ADCY3: variants seen among roughly 807,000 people sequenced by gnomAD.
ADCY3 encodes adenylate cyclase 3, also known as adenylate cyclase type 3.
In ADCY3, 70 loss-of-function variants were observed where a neutral mutation model predicts 119.4. The observed-to-expected ratio is 0.59, with a 90% CI of 0.48 to 0.72. ADCY3 has a LOEUF of 0.72. Ranked by LOEUF, ADCY3 falls within the 30% of genes least tolerant of loss-of-function variation. The probability of loss-of-function intolerance (pLI) is 0.00; values close to 1 mark genes in which losing one functional copy is unlikely to be tolerated. For synonymous variants in ADCY3, 672 were observed against 621.4 expected, an observed-to-expected ratio of 1.08 and a Z score of -1.21; for missense variants, 1,238 against 1,541.6, an observed-to-expected ratio of 0.80 and a Z score of 3.30.
At chr2:24,897,388 C>T (rs61488893) in intron 2 of ADCY3, among the ~76,000 whole-genome samples, 12,995 of 152,102 alleles carry the variant, frequency 0.085, 1,762 homozygotes, top group African/African-American at 0.29. Context: ...GTTCAAAGCC[C>T]CCTGCCCTTG....
chr2:24,917,457 G>A (rs1423410674), intron 2 of ADCY3, among the ~76,000 whole-genome samples: 6 of 152,210 alleles, frequency 3.9e-5, no homozygotes, highest in African/African-American at 1.4e-4. Context: ...TCTGGTCACC[G>A]GCTTGCTGGC....
chr2:24,834,442 CG>C lies in ADCY3; in HGVS notation c.1967+42del. 6.6e-7 allele frequency: 1 copy of C among 1,514,646 alleles called. No individual in the cohort carries two copies. Among genetic ancestry groups the C allele is most frequent in the Non-Finnish European group, 8.9e-7 (1 of 1,122,266 alleles). 93.8% of individuals were successfully genotyped at this position (1,514,646 alleles called of 1,614,324 possible). Reference sequence around the variant, plus strand: ...GCCCCCGCCCCCCGCCCGGCACCACCGCAGCCGAGGAAACTCGTGGCCCTCC... The same window carrying C: ...GCCCCCGCCCCCCGCCCGGCACCACCCAGCCGAGGAAACTCGTGGCCCTCC... On this transcript the variant is annotated intron_variant, in intron 11 of 21. Transcript: ENST00000679454. The surrounding 1 kb of genome is among the most constrained non-coding windows in gnomAD (Gnocchi z 4.2).
At position 24,822,745 on chromosome 2, in the gene ADCY3, A is replaced by C. The variant is rs527464781; in HGVS notation, c.2884-115T>G. ...CACTAAACCCAAGAGACACTTTCCT[A>C]TCAAAGTTGTTACTTAGTCTACCGC... On this transcript the variant is annotated intron_variant, in intron 18 of 21. Transcript: ENST00000679454. 2.9e-5 allele frequency: 40 copies of C among 1,387,578 alleles called. No individual in the cohort carries two copies. The East Asian group carries it at 8.8e-4, about 31-fold the overall frequency. The allele number at this position is 1,387,578 out of a possible 1,614,324, so 86.0% of individuals were successfully genotyped here. A position where few individuals can be genotyped will look rare whatever the true frequency, so the allele number is the denominator to read the frequency against.
chr2:24,850,301 G>A (rs1466381365), intron 3 of ADCY3, among the ~76,000 whole-genome samples: 8 of 152,070 alleles, frequency 5.3e-5, no homozygotes, highest in African/African-American at 9.7e-5. Flanking sequence ...TGCTAGCTAC[G>A]GACCTTCTAG....
chr2:24,917,897 A>G (rs1664654565), intron 2 of ADCY3, among the ~76,000 whole-genome samples: 1 of 152,182 alleles, frequency 6.6e-6, no homozygotes, highest in Non-Finnish European at 1.5e-5. Context: ...CCATTTGACA[A>G]AGGGGCACTG....
At position 24,866,578 on chromosome 2, in the gene ADCY3, A is replaced by G. The variant is rs971910105; in HGVS notation, c.825+5992T>C. Among the ~76,000 whole-genome samples, 4 of 150,232 alleles carry G rather than the reference A, an allele frequency of 2.7e-5. No homozygotes were observed. The East Asian group carries it at 7.7e-4, about 29-fold the overall frequency. ...AGACCCTGTCTCAAAAAAAAAAAAA[A>G]AAAAAAAGAAAAAAAAAAAGGCCAA... On this transcript the variant is annotated intron_variant, in intron 3 of 21. Transcript: ENST00000679454.
At chr2:24,869,627 A>C (rs1674721437) in intron 3 of ADCY3, among the ~76,000 whole-genome samples, 1 of 152,000 alleles carries the variant, frequency 6.6e-6, no homozygotes, top group African/African-American at 2.4e-5. Context: ...GCTGGTCTTG[A>C]ACTCCTGGAC....
rs1292057640 is a variant in ADCY3 at position 24,820,039 on chromosome 2, C to G, written c.3328G>C (p.Gly1110Arg). The G allele has an allele frequency of 3.1e-6, 5 of 1,607,984 alleles. No homozygotes were observed. The change falls in exon 22 of 22, where the codon GGG becomes CGG. Residue 1110 changes from glycine (G) to arginine (R), a missense_variant. By Grantham distance (125) the Gly-to-Arg change is moderately radical. Coordinates refer to ENST00000679454, the MANE Select transcript of ADCY3 (RefSeq NM_004036.5). ...AAGAAGGTCAGCAGCTCCCCCTTCC[C>G]CTTCACAAAGATGGGGCCTCGCCTC... ...FVRRGPIFVK[G>R]KGELLTFFLK... is the part of the protein sequence containing the mutation.
chr2:24,840,115 T>C (rs62140606), intron 6 of ADCY3, 84 bp from the exon 7 acceptor site: 57,692 of 1,518,626 alleles, frequency 0.038, 1,354 homozygotes, highest in Non-Finnish European at 0.044. Context: ...GAGAAATTCA[T>C]TGTGGGCCTC....
intron 3 of ADCY3, among the ~76,000 whole-genome samples, chr2:24,871,134 ATTTT>A (rs11433494): frequency 6.7e-6 from 1 of 148,762 alleles, no homozygotes; most frequent in African/African-American, 2.5e-5. Context: ...TGACACATGC[ATTTT>A]TTTTTTTTAA....
intron 2 of ADCY3, among the ~76,000 whole-genome samples, chr2:24,876,827 C>T (rs1572963015): frequency 6.6e-6 from 1 of 152,202 alleles, no homozygotes; most frequent in African/African-American, 2.4e-5. Context: ...AGGTCTTTCA[C>T]GTCACCATGA....
intron 2 of ADCY3, among the ~76,000 whole-genome samples, chr2:24,880,387 GCTC>G (rs1402278118): frequency 1.3e-5 from 2 of 152,016 alleles, no homozygotes; most frequent in Non-Finnish European, 2.9e-5. Flanking sequence ...GACTCTGGTT[GCTC>G]CTCAACAGGC....
At position 24,842,477 on chromosome 2, in the gene ADCY3, G is replaced by A. The variant is rs1671133579; in HGVS notation, c.826-93C>T. 1 of 1,511,934 alleles carries A rather than the reference G, an allele frequency of 6.6e-7. No individual in the cohort carries two copies. The highest frequency in any genetic ancestry group is 9.0e-7 in the Non-Finnish European group (1 of 1,110,066). 93.7% of individuals were successfully genotyped at this position (1,511,934 alleles called of 1,614,324 possible). On this transcript the variant is annotated intron_variant, in intron 3 of 21. Coordinates refer to ENST00000679454, the MANE Select transcript of ADCY3 (RefSeq NM_004036.5). This position sits in a 1 kb window ranked among gnomAD's most constrained non-coding sequence, Gnocchi z 4.9. ...GGAAGAAATGCCCCGATCCTGGCAA[G>A]AAACGTGAGCAGGGAACCATGCTGC...
In ADCY3 at chr2:24,899,718, C is replaced by A. The variant is rs183435110; in HGVS notation, c.675+18595G>T. On this transcript the variant is annotated intron_variant, in intron 2 of 21. Coordinates refer to ENST00000679454, the MANE Select transcript of ADCY3 (RefSeq NM_004036.5). This position sits in a 1 kb window ranked among gnomAD's most constrained non-coding sequence, Gnocchi z 4.5. ...AGAGGGGTGTGTAGAGCTTTGCTTC[C>A]CCGATTTGCATAAGCTTATATAAAG... Among the ~76,000 whole-genome samples, 2 of 152,252 alleles carry A rather than the reference C, an allele frequency of 1.3e-5. No homozygotes were observed. Among genetic ancestry groups the A allele is most frequent in the Non-Finnish European group, 2.9e-5 (2 of 68,028 alleles).
rs748920418 is a variant in ADCY3, at chr2:24,842,395, C to T, written c.826-11G>A. ...AAGCATGAGGTTCTCCTGTGAGGGGCAGGAGAGGGTCAGAGGCAAAGGTAG... is the reference window on the plus strand; with the variant it reads ...AAGCATGAGGTTCTCCTGTGAGGGGTAGGAGAGGGTCAGAGGCAAAGGTAG... On this transcript the variant is annotated splice_polypyrimidine_tract_variant and intron_variant, in intron 3 of 21. Transcript: ENST00000679454. The surrounding 1 kb of genome is among the most constrained non-coding windows in gnomAD (Gnocchi z 4.9). The T allele has an allele frequency of 1.1e-5, 17 of 1,613,928 alleles. No individual in the cohort carries two copies. Among genetic ancestry groups the T allele is most frequent in the East Asian group, 8.9e-5 (4 of 44,876 alleles).
At chr2:24,870,176 C>T (rs1251251704) in intron 3 of ADCY3, among the ~76,000 whole-genome samples, 3 of 150,452 alleles carry the variant, frequency 2.0e-5, no homozygotes, top group African/African-American at 7.3e-5. Flanking sequence ...AAAAAATTAG[C>T]CAGGTGTGGT....
intron 2 of ADCY3, among the ~76,000 whole-genome samples, chr2:24,901,074 G>C (rs1482137272): frequency 6.6e-6 from 1 of 152,122 alleles, no homozygotes; most frequent in African/African-American, 2.4e-5. Flanking sequence ...TCAAAAAAAA[G>C]GAAAATGAAA....
intron 17 of ADCY3, among the ~76,000 whole-genome samples, chr2:24,824,149 A>G (rs1446060265): frequency 1.3e-5 from 2 of 152,252 alleles, no homozygotes; most frequent in African/African-American, 4.8e-5. Context: ...CTTCTGACAC[A>G]TGGCCTCAGA....
rs1671141530 is a variant in ADCY3 at position 24,842,536 on chromosome 2, G to A, written c.826-152C>T. 1 of 1,019,992 alleles carries A rather than the reference G, an allele frequency of 9.8e-7. No individual in the cohort carries two copies. The highest frequency in any genetic ancestry group is 1.4e-6 in the Non-Finnish European group (1 of 709,106). 63.2% of individuals were successfully genotyped at this position (1,019,992 alleles called of 1,614,324 possible). On this transcript the variant is annotated intron_variant, in intron 3 of 21. Coordinates refer to ENST00000679454, the MANE Select transcript of ADCY3 (RefSeq NM_004036.5). This position sits in a 1 kb window ranked among gnomAD's most constrained non-coding sequence, Gnocchi z 4.9. ...GAGACCTCACAGATCTGCCTCGGGAGCAGCCAGGGGTCTGGGACAGGCAGC... is the reference window on the plus strand; with the variant it reads ...GAGACCTCACAGATCTGCCTCGGGAACAGCCAGGGGTCTGGGACAGGCAGC...
Sources: gnomAD v4.1 joint callset for allele counts (sites outside exome capture counted in the v4.1 genomes callset) on GRCh38, gnomAD v4.1.1 for gene constraint, Gnocchi (gnomAD v3.1) non-coding constraint, MANE v1.5 for transcripts, NCBI Gene and HGNC (gene_info 2026-07-23, HGNC 2026-07-21) for gene names.